MYCBP2: variants seen among roughly 807,000 people sequenced by gnomAD.
MYCBP2 encodes MYC binding protein 2.
A neutral mutation model predicts 525.3 loss-of-function variants in MYCBP2; 120 were observed. That is an observed-to-expected ratio of 0.23 (90% CI 0.20 to 0.27). The LOEUF (loss-of-function observed/expected upper bound fraction) is 0.27, where lower values mean the gene tolerates loss of function less well. MYCBP2 is among the 10% of genes least tolerant of loss of function. The probability of loss-of-function intolerance (pLI) is 1.00; values close to 1 mark genes in which losing one functional copy is unlikely to be tolerated. For synonymous variants in MYCBP2, 1,894 were observed against 1,955.8 expected (o/e 0.97, Z 0.83); for missense variants, 4,149 against 5,657.1 (o/e 0.73, Z 8.55).
intron 80 of MYCBP2, among the ~76,000 whole-genome samples, chr13:77,052,303 A>T (rs886410766): frequency 1.3e-5 from 2 of 152,012 alleles, no homozygotes; most frequent in African/African-American, 4.8e-5. Context: ...GGCTCAGGCG[A>T]TCCGCCCAAC....
In MYCBP2 at chr13:77,098,207, T is replaced by C. The variant is rs2046525129; in HGVS notation, c.8947A>G (p.Arg2983Gly). The change falls in exon 56 of 83, where the codon AGA (arginine) becomes GGA (glycine). Residue 2983 changes from arginine to glycine, a missense_variant. Around this residue, in one of 21 missense-constraint regions of MYCBP2, gnomAD observed 653 missense variants for 744.7 expected, o/e 0.88. Coordinates refer to ENST00000544440, the MANE Select transcript of MYCBP2 (RefSeq NM_015057.5). Reference sequence around the variant, plus strand: ...TTTCGACTTATTTTGGGAGATGCTCTCATTTCCTGTTCATCTTTCAGTGGT... The same window carrying C: ...TTTCGACTTATTTTGGGAGATGCTCCCATTTCCTGTTCATCTTTCAGTGGT... Reference protein sequence around the residue: ...KAPLKDEQEMRASPKISRKCA... With the variant: ...KAPLKDEQEMGASPKISRKCA... The C allele has an allele frequency of 6.2e-7, 1 of 1,613,606 alleles. No homozygotes were observed. The highest frequency in any genetic ancestry group is 8.5e-7 in the Non-Finnish European group (1 of 1,179,796).
chr13:77,115,006 T>C (rs2049472070), intron 55 of MYCBP2, among the ~76,000 whole-genome samples: 1 of 151,992 alleles, frequency 6.6e-6, no homozygotes, highest in Non-Finnish European at 1.5e-5. Context: ...TTATCATACA[T>C]CATATTGTCA....
At chr13:77,091,105 A>C (rs889586303) in intron 59 of MYCBP2, among the ~76,000 whole-genome samples, 3 of 152,116 alleles carry the variant, frequency 2.0e-5, no homozygotes, top group Admixed American at 6.6e-5. Context: ...GCCAGGTTTG[A>C]AATCCTGTGT....
At chr13:77,119,421 G>C (rs924537555) in intron 55 of MYCBP2, among the ~76,000 whole-genome samples, 1 of 152,062 alleles carries the variant, frequency 6.6e-6, no homozygotes, top group East Asian at 1.9e-4. Flanking sequence ...ACACGGGATA[G>C]ATTTATGTGG....
chr13:77,070,557 AACAG>A, intron 69 of MYCBP2, 70 bp downstream of exon 69: 1 of 1,116,528 alleles, frequency 9.0e-7, no homozygotes, highest in Non-Finnish European at 1.3e-6. Flanking sequence ...ATAACAAACA[AACAG>A]ACAAACAAAC....
intron 37 of MYCBP2, among the ~76,000 whole-genome samples, 157 bp downstream of exon 37, chr13:77,174,152 TAA>T (rs1251403442): frequency 2.0e-5 from 3 of 152,230 alleles, no homozygotes; most frequent in East Asian, 3.8e-4. Context: ...ATTTATATAT[TAA>T]AAAGAGATTT....
At chr13:77,238,116 G>A (rs1000747261) in intron 17 of MYCBP2, among the ~76,000 whole-genome samples, 39 of 151,816 alleles carry the variant, frequency 2.6e-4, no homozygotes, top group African/African-American at 6.3e-4. Context: ...GGTGGTGAAC[G>A]CCTGCAGTCC....
chr13:77,198,912 C>A (rs906244795), intron 26 of MYCBP2, among the ~76,000 whole-genome samples: 1 of 152,222 alleles, frequency 6.6e-6, no homozygotes, highest in Non-Finnish European at 1.5e-5. Flanking sequence ...ACAGAAAGGA[C>A]TGAGATATAG....
At chr13:77,114,993 C>T (rs574553869) in intron 55 of MYCBP2, among the ~76,000 whole-genome samples, 299 of 152,040 alleles carry the variant, frequency 2.0e-3, no homozygotes, top group African/African-American at 6.9e-3. Context: ...TATAAACCCA[C>T]AATTATCATA....
chr13:77,168,698 T>C, intron 39 of MYCBP2, 52 bp from the exon 40 acceptor site: 1 of 1,504,820 alleles, frequency 6.6e-7, no homozygotes. Flanking sequence ...AAAGTGGTTC[T>C]AAAATTATGC....
chr13:77,232,219 AAAAAG>A (rs1353237450), intron 18 of MYCBP2, among the ~76,000 whole-genome samples: 14 of 152,300 alleles, frequency 9.2e-5, no homozygotes, highest in African/African-American at 2.4e-4. Context: ...TTGCAGCAAA[AAAAAG>A]AAAAGGATCC....
At chr13:77,052,903 C>T (rs1031950000) in intron 80 of MYCBP2, among the ~76,000 whole-genome samples, 1 of 152,112 alleles carries the variant, frequency 6.6e-6, no homozygotes, top group Non-Finnish European at 1.5e-5. Flanking sequence ...GTGAGGCAGA[C>T]AGATTCCTTG....
At chr13:77,053,440 C>T (rs2037246290) in intron 80 of MYCBP2, among the ~76,000 whole-genome samples, 1 of 152,134 alleles carries the variant, frequency 6.6e-6, no homozygotes, top group African/African-American at 2.4e-5. Context: ...AATCTATTAT[C>T]TATACTAGAA....
At chr13:77,090,415 ATCTTT>A in intron 59 of MYCBP2, 152 bp from the exon 60 acceptor site, 1 of 518,420 alleles carries the variant, frequency 1.9e-6, no homozygotes, top group Non-Finnish European at 3.2e-6. Flanking sequence ...TCATAATTTG[ATCTTT>A]TCAAATGCAG....
At chr13:77,159,706 C>T (rs1466525806) in intron 44 of MYCBP2, among the ~76,000 whole-genome samples, 2 of 152,090 alleles carry the variant, frequency 1.3e-5, no homozygotes, top group African/African-American at 2.4e-5. Context: ...TTCCCTTTTG[C>T]CTTCTGCCAT....
Position 77,065,985 on chromosome 13 carries a change from A to G in MYCBP2, c.12552+7T>C, listed in dbSNP as rs778326100. The G allele has an allele frequency of 7.9e-5, 126 of 1,604,778 alleles. No individual in the cohort carries two copies. The highest frequency in any genetic ancestry group is 5.0e-4 in the Middle Eastern group (3 of 6,036). ...TTCACTGCCAAAACAGAAGAATGGG[A>G]ACTTACTGCTGCCATATCCTTGATA... On this transcript the variant is annotated splice_region_variant and intron_variant, in intron 72 of 82. Transcript: ENST00000544440.
At chr13:77,299,680 T>G (rs1038399812) in intron 1 of MYCBP2, among the ~76,000 whole-genome samples, 2 of 152,172 alleles carry the variant, frequency 1.3e-5, no homozygotes, top group African/African-American at 2.4e-5. Context: ...GTCTTACACA[T>G]TAACAATTTA....
At chr13:77,201,706 G>T (rs1174521687) in intron 26 of MYCBP2, among the ~76,000 whole-genome samples, 1 of 151,884 alleles carries the variant, frequency 6.6e-6, no homozygotes, top group Non-Finnish European at 1.5e-5. Context: ...TCAGACCACA[G>T]TGCAATCAAA....
At chr13:77,110,860 C>T (rs941600168) in intron 55 of MYCBP2, among the ~76,000 whole-genome samples, 2 of 152,168 alleles carry the variant, frequency 1.3e-5, no homozygotes, top group African/African-American at 4.8e-5. Flanking sequence ...GGCAAGTCAG[C>T]AAGAATTCTC....
Sources: gnomAD v4.1 joint callset for allele counts (sites outside exome capture counted in the v4.1 genomes callset) on GRCh38, gnomAD v4.1.1 for gene constraint, gnomAD v4.1.1 regional missense constraint, MANE v1.5 for transcripts, NCBI Gene and HGNC (gene_info 2026-07-23, HGNC 2026-07-21) for gene names.